The following ANXA11 variants were observed in gnomAD, a reference collection of about 807,000 sequenced individuals.
ANXA11 encodes annexin A11, also known as 56 kDa autoantigen.
Under a neutral mutation model 64.7 loss-of-function variants are expected in ANXA11, and 57 were observed. That is an observed-to-expected ratio of 0.88 (90% confidence interval 0.71 to 1.10). The LOEUF (loss-of-function observed/expected upper bound fraction) is 1.10, where lower values mean the gene tolerates loss of function less well. Ranked by LOEUF, ANXA11 falls within the 50% of genes least tolerant of loss-of-function variation. The pLI is 0.00. For synonymous variants in ANXA11, 260 were observed against 265.2 expected (o/e 0.98, Z 0.19); for missense variants, 675 against 670.7 (o/e 1.01, Z -0.07).
intron 1 of ANXA11, among the ~76,000 whole-genome samples, chr10:80,196,312 A>T (rs1840164009): frequency 6.6e-6 from 1 of 152,210 alleles, no homozygotes; most frequent in African/African-American, 2.4e-5. Flanking sequence ...CATCAGTGCT[A>T]CAGGCTGTAG....
At chr10:80,167,186 G>A (rs377057609) in intron 6 of ANXA11, 40 bp downstream of exon 6, 32 of 1,590,882 alleles carry the variant, frequency 2.0e-5, no homozygotes, top group Non-Finnish European at 2.7e-5. Context: ...TGGGAAATAG[G>A]GGGCAGGGAG....
chr10:80,162,791 G>A (rs1298887890), intron 11 of ANXA11, among the ~76,000 whole-genome samples: 1 of 152,194 alleles, frequency 6.6e-6, no homozygotes, highest in Non-Finnish European at 1.5e-5. Context: ...ACCCCACCAG[G>A]AAGTAATGGC....
At chr10:80,203,226 C>T (rs1335295278) in intron 1 of ANXA11, among the ~76,000 whole-genome samples, 1 of 152,006 alleles carries the variant, frequency 6.6e-6, no homozygotes, top group East Asian at 1.9e-4. Context: ...CAAGAAGAAC[C>T]CACACTAACC....
chr10:80,195,502 A>G (rs1450460673), intron 1 of ANXA11, among the ~76,000 whole-genome samples: 1 of 152,202 alleles, frequency 6.6e-6, no homozygotes, highest in African/African-American at 2.4e-5. Flanking sequence ...GACATGCATG[A>G]TGGAGAGAAG....
intron 1 of ANXA11, among the ~76,000 whole-genome samples, chr10:80,192,975 A>AATAT (rs1194954636): frequency 4.6e-5 from 7 of 152,206 alleles, no homozygotes. Context: ...AAGAAAATAA[A>AATAT]ATATATAGGA....
chr10:80,192,791 C>G (rs1475420284), intron 1 of ANXA11, among the ~76,000 whole-genome samples: 1 of 152,106 alleles, frequency 6.6e-6, no homozygotes, highest in African/African-American at 2.4e-5. Flanking sequence ...CTAAATTATC[C>G]ACTACTGGAT....
At chr10:80,187,100 A>T (rs34162901) in intron 1 of ANXA11, among the ~76,000 whole-genome samples, 8 of 152,184 alleles carry the variant, frequency 5.3e-5, no homozygotes, top group Non-Finnish European at 1.2e-4. Flanking sequence ...ACACAGTGGC[A>T]GTGACAGAAA....
intron 1 of ANXA11, among the ~76,000 whole-genome samples, chr10:80,184,849 C>T (rs1370943768): frequency 6.6e-6 from 1 of 152,208 alleles, no homozygotes; most frequent in African/African-American, 2.4e-5. Flanking sequence ...TGCAGTCCCA[C>T]AGCCTTGTTT....
At chr10:80,157,374 A>AAGGTCACGGTCAAGGTTGGGG (rs1589412412) in intron 15 of ANXA11, 1 of 985,428 alleles carries the variant, frequency 1.0e-6, no homozygotes, top group East Asian at 1.1e-4. Context: ...CGGAACGCTG[A>AAGGTCACGGTCAAGGTTGGGG]AGGTCACGGT....
intron 8 of ANXA11, among the ~76,000 whole-genome samples, chr10:80,164,424 G>A (rs761016161): frequency 1.3e-5 from 2 of 152,192 alleles, no homozygotes; most frequent in African/African-American, 2.4e-5. Flanking sequence ...TGGCTGGTCC[G>A]AGGCCACACA....
At chr10:80,158,557 A>C (rs1845371837) in intron 13 of ANXA11, among the ~76,000 whole-genome samples, 1 of 152,182 alleles carries the variant, frequency 6.6e-6, no homozygotes, top group Non-Finnish European at 1.5e-5. Context: ...GATTTTCCCA[A>C]GTGAGTAGAA....
chr10:80,183,876 C>T (rs1846443584), intron 1 of ANXA11, among the ~76,000 whole-genome samples: 1 of 152,230 alleles, frequency 6.6e-6, no homozygotes, highest in South Asian at 2.1e-4. Flanking sequence ...GCAGATAGAG[C>T]CCAAGCTCTG....
At chr10:80,202,037 G>A (rs373584057) in intron 1 of ANXA11, among the ~76,000 whole-genome samples, 39 of 152,236 alleles carry the variant, frequency 2.6e-4, no homozygotes, top group Middle Eastern at 3.4e-3. Context: ...TTTGACCACC[G>A]CACACTCCAC....
intron 1 of ANXA11, among the ~76,000 whole-genome samples, chr10:80,189,142 G>A (rs546171225): frequency 2.0e-5 from 3 of 152,316 alleles, no homozygotes; most frequent in African/African-American, 7.2e-5. Context: ...AGATTATCCG[G>A]GTGGGCCCAA....
chr10:80,180,347 G>T (rs1846311281), intron 1 of ANXA11, among the ~76,000 whole-genome samples: 1 of 152,204 alleles, frequency 6.6e-6, no homozygotes, highest in Admixed American at 6.5e-5. Context: ...TGACTTCAGG[G>T]ATACAGAAGG....
intron 1 of ANXA11, among the ~76,000 whole-genome samples, chr10:80,197,694 G>A (rs998325748): frequency 1.2e-4 from 18 of 152,134 alleles, no homozygotes; most frequent in African/African-American, 4.1e-4. Flanking sequence ...AGGCCGAGGC[G>A]GGAGGATCAC....
rs755226655 is a variant in ANXA11, at chr10:80,157,634, C to T, written c.1458+7G>A. On this transcript the variant is annotated splice_region_variant and intron_variant, in intron 15 of 15. Transcript: ENST00000422982. ...GGGAGCCCAGTTGGCCTGCAGCAGGCCCGTACCGAGATGTCGTGGTACAGC... is the reference window on the plus strand; with the variant it reads ...GGGAGCCCAGTTGGCCTGCAGCAGGTCCGTACCGAGATGTCGTGGTACAGC... 50 of 1,611,690 alleles carry T rather than the reference C, an allele frequency of 3.1e-5. No homozygotes were observed. The East Asian group carries it at 1.1e-3, about 35-fold the overall frequency.
chr10:80,185,654 G>A (rs899995032), intron 1 of ANXA11, among the ~76,000 whole-genome samples: 14 of 152,290 alleles, frequency 9.2e-5, no homozygotes, highest in East Asian at 1.9e-4. Flanking sequence ...TGCTTCACAC[G>A]GAACTGAACT....
chr10:80,199,280 G>C (rs1840312444), intron 1 of ANXA11, among the ~76,000 whole-genome samples: 1 of 151,878 alleles, frequency 6.6e-6, no homozygotes, highest in Non-Finnish European at 1.5e-5. Context: ...TATATTTTTA[G>C]TAGAGGCGGG....
Sources: allele counts gnomAD v4.1 joint callset (sites outside exome capture counted in the v4.1 genomes callset), GRCh38; gene constraint gnomAD v4.1.1; transcripts MANE v1.5; gene names NCBI Gene and HGNC (gene_info 2026-07-23, HGNC 2026-07-21).